Variants in PTPRE observed in about 807,000 individuals in gnomAD.
PTPRE encodes receptor-type tyrosine-protein phosphatase epsilon.
Under a neutral mutation model 102.0 loss-of-function variants are expected in PTPRE, and 51 were observed. That is an observed-to-expected ratio of 0.50 (90% CI 0.40 to 0.63). The LOEUF is 0.63. Among genes scored for constraint, PTPRE ranks in the 30% least tolerant of loss-of-function variants. The probability of loss-of-function intolerance (pLI) is 0.00; values close to 1 mark genes in which losing one functional copy is unlikely to be tolerated. For missense variants in PTPRE, 752 were observed against 915.1 expected, an observed-to-expected ratio of 0.82 and a Z score of 2.30; for synonymous variants, 345 against 348.2, an observed-to-expected ratio of 0.99 and a Z score of 0.10.
chr10:128,060,845 C>T, intron 7 of PTPRE, 94 bp from the exon 8 acceptor site: 5 of 1,240,622 alleles, frequency 4.0e-6, no homozygotes, highest in Non-Finnish European at 5.9e-6. Flanking sequence ...GGAGCTGACA[C>T]TGCAGATGAA....
At chr10:128,073,811 T>C (rs990396661) in intron 17 of PTPRE, among the ~76,000 whole-genome samples, 50 of 152,352 alleles carry the variant, frequency 3.3e-4, no homozygotes, top group African/African-American at 1.2e-3. Context: ...AAGACAACAG[T>C]AAACCCAAGG....
Position 128,060,979 on chromosome 10 carries a change from T to A in PTPRE, c.552T>A (p.Ile184=). The change falls in exon 8 of 21, where the codon ATT becomes ATA. Residue 184 remains isoleucine (I), a synonymous_variant. Coordinates refer to ENST00000254667, the MANE Select transcript of PTPRE (RefSeq NM_006504.6). ...TGATTCTGAGCCAACTGGATGGAAT[T>A]CCCTGTTCAGACTACATCAATGCTT... ...SRVILSQLDG[I]PCSDYINASY... is the part of the protein sequence containing the mutation. 1 of 1,614,180 alleles carries A rather than the reference T, an allele frequency of 6.2e-7. No homozygotes were observed. The highest frequency in any genetic ancestry group is 8.5e-7 in the Non-Finnish European group (1 of 1,180,006).
intron 5 of PTPRE, 64 bp from the exon 6 acceptor site, chr10:128,049,466 G>T: frequency 1.3e-6 from 2 of 1,575,764 alleles, no homozygotes; most frequent in Non-Finnish European, 1.7e-6. Flanking sequence ...TGGTCAGCTT[G>T]GTTACTCAGT....
chr10:127,956,061 T>C (rs1016276722), intron 1 of PTPRE, among the ~76,000 whole-genome samples: 1 of 152,208 alleles, frequency 6.6e-6, no homozygotes, highest in African/African-American at 2.4e-5. Flanking sequence ...TAATGTGTTT[T>C]TGGTTGTACG....
chr10:127,993,901 T>C (rs997932705), intron 2 of PTPRE, among the ~76,000 whole-genome samples: 11 of 151,892 alleles, frequency 7.2e-5, no homozygotes, highest in African/African-American at 2.7e-4. Context: ...TCCTCCCTGT[T>C]GAGGAGTTGG....
rs542658732 is a variant in PTPRE at position 127,927,426 on chromosome 10, G to A, written c.-31+20117G>A. ...GTGGGTAATGGTGGATCCACTTAGCGGGGTTGAGTTTTCTCAGTTTTAATG... is the reference window on the plus strand; with the variant it reads ...GTGGGTAATGGTGGATCCACTTAGCAGGGTTGAGTTTTCTCAGTTTTAATG... On this transcript the variant is annotated intron_variant, in intron 1 of 20. Transcript: ENST00000254667. Among the ~76,000 whole-genome samples the A allele has an allele frequency of 9.2e-5, 14 of 152,294 alleles. No individual in the cohort carries two copies. In the East Asian group the frequency reaches 1.5e-3, roughly 17 times the overall value.
intron 20 of PTPRE, among the ~76,000 whole-genome samples, chr10:128,079,948 T>C (rs1321425848): frequency 6.6e-6 from 1 of 152,178 alleles, no homozygotes; most frequent in Non-Finnish European, 1.5e-5. Flanking sequence ...CTGAGACCAC[T>C]CGGAGAGACG....
chr10:127,956,166 C>A (rs933446858), intron 1 of PTPRE, among the ~76,000 whole-genome samples: 1 of 152,020 alleles, frequency 6.6e-6, no homozygotes, highest in African/African-American at 2.4e-5. Flanking sequence ...TATATAGGTG[C>A]CAAGTTGACA....
chr10:127,970,572 A>G (rs10829314), intron 1 of PTPRE, among the ~76,000 whole-genome samples: 67,435 of 151,694 alleles, frequency 0.44, 18,556 homozygotes, highest in African/African-American at 0.79. Context: ...GTGGGCATTC[A>G]ATAAATATCT....
At chr10:127,989,626 AC>A (rs1852433931) in intron 2 of PTPRE, among the ~76,000 whole-genome samples, 1 of 152,262 alleles carries the variant, frequency 6.6e-6, no homozygotes, top group African/African-American at 2.4e-5. Flanking sequence ...GGCTCTCATT[AC>A]CACCACCAAA....
chr10:127,968,959 A>G (rs1249994799), intron 1 of PTPRE, among the ~76,000 whole-genome samples: 1 of 152,236 alleles, frequency 6.6e-6, no homozygotes, highest in East Asian at 1.9e-4. Context: ...CTAGTTTTTC[A>G]GGAAATATAA....
intron 1 of PTPRE, among the ~76,000 whole-genome samples, chr10:127,963,689 C>T (rs1056252248): frequency 6.7e-6 from 1 of 148,812 alleles, no homozygotes; most frequent in Non-Finnish European, 1.5e-5. Context: ...TGTGTGTGTG[C>T]ATGCATGCGT....
chr10:128,076,767 G>A, intron 18 of PTPRE, 39 bp downstream of exon 18: 1 of 1,607,570 alleles, frequency 6.2e-7, no homozygotes. Flanking sequence ...TGTGAATTTA[G>A]TGAACCACGC....
At chr10:127,995,221 A>G (rs11016003) in intron 2 of PTPRE, among the ~76,000 whole-genome samples, 34,070 of 152,022 alleles carry the variant, frequency 0.22, 3,834 homozygotes, top group Non-Finnish European at 0.23. Flanking sequence ...CTTTGTTCTC[A>G]GAGAGGAGAA....
Position 128,076,603 on chromosome 10 carries a change from G to A in PTPRE, c.1600G>A (p.Asp534Asn). ...TTAAATTTTTATTTTATCCCCTAAG[G>A]ATAAATGCTACCAGTATTGGCCAAC... ...MLTEVQEREQ[D>N]KCYQYWPTEG... is the part of the protein sequence containing the mutation. The change falls in exon 18 of 21, where the codon GAT becomes AAT. Residue 534 changes from aspartate to asparagine, a missense_variant and splice_region_variant. Coordinates refer to ENST00000254667, the MANE Select transcript of PTPRE (RefSeq NM_006504.6). 3 of 1,585,660 alleles carry A rather than the reference G, an allele frequency of 1.9e-6. No individual in the cohort carries two copies. Among genetic ancestry groups the A allele is most frequent in the Non-Finnish European group, 2.6e-6 (3 of 1,172,972 alleles).
Position 128,081,498 on chromosome 10 carries a change from T to C in PTPRE, c.2029-1334T>C, listed in dbSNP as rs190779579. Among the ~76,000 whole-genome samples, 5 of 152,362 alleles carry C rather than the reference T, an allele frequency of 3.3e-5. No individual in the cohort carries two copies. The East Asian group carries it at 9.6e-4, about 29-fold the overall frequency. On this transcript the variant is annotated intron_variant, in intron 20 of 20. Transcript: ENST00000254667. The stretch of plus-strand genomic sequence containing the variant: ...CGTGGGATGGTCAGCAGTTAGCTGC[T>C]GTGTTAGCTATGAAAACAGAGTAAT...
chr10:127,943,627 C>T (rs1048434355), intron 1 of PTPRE, among the ~76,000 whole-genome samples: 6 of 152,340 alleles, frequency 3.9e-5, no homozygotes, highest in Middle Eastern at 3.4e-3. Context: ...GCCTGGAATG[C>T]GCAGGAGGCT....
chr10:127,926,171 G>A (rs575321139), intron 1 of PTPRE, among the ~76,000 whole-genome samples: 5 of 152,250 alleles, frequency 3.3e-5, no homozygotes, highest in East Asian at 1.9e-4. Context: ...TTTTGCTCAC[G>A]GTGAGGAAAT....
At chr10:127,914,891 G>A (rs1846104693) in intron 1 of PTPRE, among the ~76,000 whole-genome samples, 1 of 152,138 alleles carries the variant, frequency 6.6e-6, no homozygotes. Context: ...AGAGCACAGG[G>A]GTGGCATATC....
Sources: allele counts gnomAD v4.1 joint callset (sites outside exome capture counted in the v4.1 genomes callset), GRCh38; gene constraint gnomAD v4.1.1; transcripts MANE v1.5; gene names NCBI Gene and HGNC (gene_info 2026-07-23, HGNC 2026-07-21).